The following FAM220A variants were observed in gnomAD, a reference collection of about 807,000 sequenced individuals.
FAM220A encodes protein FAM220A.
For synonymous variants in FAM220A, 141 were observed against 130.7 expected (o/e 1.08, Z -0.54); for missense variants, 392 against 321.6 (o/e 1.22, Z -1.68).
intron 1 of FAM220A, among the ~76,000 whole-genome samples, chr7:6,343,264 C>G (rs1781897549): frequency 2.0e-5 from 3 of 151,016 alleles, no homozygotes; most frequent in Admixed American, 6.6e-5. Context: ...GTAATCCCAG[C>G]TACTCAGGAG....
intron 1 of FAM220A, among the ~76,000 whole-genome samples, chr7:6,333,897 A>G (rs1186079297): frequency 8.3e-6 from 1 of 120,184 alleles, no homozygotes; most frequent in Non-Finnish European, 1.6e-5. Flanking sequence ...CCCAGGCTGG[A>G]GTGCAGTGGC....
At chr7:6,345,539 G>A (rs1033625007) in intron 1 of FAM220A, among the ~76,000 whole-genome samples, 5 of 152,080 alleles carry the variant, frequency 3.3e-5, no homozygotes, top group Middle Eastern at 6.3e-3. Flanking sequence ...TAGAGAAGCA[G>A]ATATATGAAA....
chr7:6,346,051 G>A (rs1027062682), intron 1 of FAM220A, among the ~76,000 whole-genome samples: 4 of 152,128 alleles, frequency 2.6e-5, no homozygotes, highest in Non-Finnish European at 5.9e-5. Flanking sequence ...TTACAGGCAT[G>A]AGACACCATG....
At chr7:6,332,060 C>G (rs888205053) in intron 1 of FAM220A, among the ~76,000 whole-genome samples, 6 of 149,512 alleles carry the variant, frequency 4.0e-5, no homozygotes, top group Non-Finnish European at 7.4e-5. Flanking sequence ...AGCTGTGAGC[C>G]GAGATCATGC....
intron 1 of FAM220A, among the ~76,000 whole-genome samples, chr7:6,336,873 T>C (rs1421838681): frequency 2.6e-5 from 4 of 151,784 alleles, no homozygotes; most frequent in Non-Finnish European, 5.9e-5. Context: ...AGGCTGGTCT[T>C]GAACTCCTGG....
Position 6,346,584 on chromosome 7 carries a change from T to G in FAM220A, c.-82+1989A>C, listed in dbSNP as rs368639805. ...TTAGTAGAGACAGGGTTTCACCCTG[T>G]AGCCCAGGGTGGTCTCAAACTCCTG... On this transcript the variant is annotated intron_variant, in intron 1 of 1. Coordinates refer to ENST00000313324, the MANE Select transcript of FAM220A (RefSeq NM_001037163.2). Among the ~76,000 whole-genome samples the G allele has an allele frequency of 4.5e-4, 69 of 152,268 alleles. 2 individuals are homozygous for G. The East Asian group carries it at 0.011, about 23-fold the overall frequency.
intron 1 of FAM220A, among the ~76,000 whole-genome samples, chr7:6,335,281 G>A (rs1036016752): frequency 6.6e-6 from 1 of 151,598 alleles, no homozygotes; most frequent in Non-Finnish European, 1.5e-5. Flanking sequence ...GGAGGGCAAT[G>A]GCACAATCTC....
In FAM220A at chr7:6,330,524, T is replaced by C. The variant is rs142085380; in HGVS notation, c.631A>G (p.Ile211Val). The change falls in exon 2 of 2, where the codon ATT becomes GTT. Residue 211 changes from isoleucine to valine, a missense_variant. Transcript: ENST00000313324. ...EVLLSEETKR[I>V]FLDRLKPMFS... ...ATGGGCTTTAAACGGTCAAGGAAAATGCGTTTTGTCTCCTCACTCAGGAGC... is the reference window on the plus strand; with the variant it reads ...ATGGGCTTTAAACGGTCAAGGAAAACGCGTTTTGTCTCCTCACTCAGGAGC... 6.2e-7 allele frequency: 1 copy of C among 1,614,120 alleles called. No homozygotes were observed. Among genetic ancestry groups the C allele is most frequent in the Non-Finnish European group, 8.5e-7 (1 of 1,180,022 alleles).
intron 1 of FAM220A, among the ~76,000 whole-genome samples, chr7:6,335,683 T>C (rs963373140): frequency 3.3e-5 from 5 of 152,284 alleles, no homozygotes; most frequent in Non-Finnish European, 5.9e-5. Flanking sequence ...TTGTGGGACA[T>C]GCTGAAAAGT....
chr7:6,343,374 T>G (rs1161919169), intron 1 of FAM220A, among the ~76,000 whole-genome samples: 1 of 138,616 alleles, frequency 7.2e-6, no homozygotes, highest in Non-Finnish European at 1.5e-5. Context: ...TGAAACTCCG[T>G]CTCAAAAAAA....
intron 1 of FAM220A, among the ~76,000 whole-genome samples, chr7:6,333,809 G>A (rs1408389343): frequency 1.5e-5 from 2 of 129,506 alleles, no homozygotes; most frequent in East Asian, 4.6e-4. Context: ...GTCTCCCCAT[G>A]TTGCCTAGAA....
In FAM220A at chr7:6,330,235, ATTTAC is replaced by A. The variant is rs964318674; in HGVS notation, c.*135_*139del. The A allele has an allele frequency of 3.6e-6, 3 of 838,252 alleles. No homozygotes were observed. In the African/African-American group the frequency reaches 5.2e-5, roughly 15 times the overall value. The allele number at this position is 838,252 out of a possible 1,614,324, so 51.9% of individuals were successfully genotyped here. ...TCAACTGGCTTTGAATTTAAACTCA[ATTTAC>A]TTTAAGTCTGCCAGGTCGTACAAAA... On this transcript the variant is annotated 3_prime_UTR_variant, in exon 2 of 2. Coordinates refer to ENST00000313324, the MANE Select transcript of FAM220A (RefSeq NM_001037163.2).
At chr7:6,333,906 G>T (rs992465669) in intron 1 of FAM220A, among the ~76,000 whole-genome samples, 2 of 146,806 alleles carry the variant, frequency 1.4e-5, no homozygotes, top group South Asian at 4.4e-4. Context: ...GAGTGCAGTG[G>T]CGCCATCTCA....
chr7:6,330,194 A>G lies in FAM220A; in HGVS notation c.*181T>C. 1 of 638,060 alleles carries G rather than the reference A, an allele frequency of 1.6e-6. No individual in the cohort carries two copies. Among genetic ancestry groups the G allele is most frequent in the Non-Finnish European group, 2.7e-6 (1 of 366,966 alleles). The allele number at this position is 638,060 out of a possible 1,614,324, so 39.5% of individuals were successfully genotyped here. On this transcript the variant is annotated 3_prime_UTR_variant, in exon 2 of 2. Coordinates refer to ENST00000313324, the MANE Select transcript of FAM220A (RefSeq NM_001037163.2). ...TAAAGCACAATTTAACACATGCCAAAAAAGTTCCTTCCGCATCAACTGGCT... is the reference window on the plus strand; with the variant it reads ...TAAAGCACAATTTAACACATGCCAAGAAAGTTCCTTCCGCATCAACTGGCT...
In FAM220A at chr7:6,330,868, G is replaced by A. The variant is rs1333068160; in HGVS notation, c.287C>T (p.Ser96Leu). The A allele has an allele frequency of 4.3e-6, 7 of 1,614,076 alleles. No individual in the cohort carries two copies. Among genetic ancestry groups the A allele is most frequent in the African/African-American group, 1.3e-5 (1 of 74,946 alleles). Reference sequence around the variant, plus strand: ...CACGGCTGTGCTCGGAGTGGCTGCTGAGGCTGGATTTCTTCTTACTGATTC... The same window carrying A: ...CACGGCTGTGCTCGGAGTGGCTGCTAAGGCTGGATTTCTTCTTACTGATTC... ...VRESVRRNPA[S>L]AATPSTAVGL... The change falls in exon 2 of 2, where the codon TCA (serine) becomes TTA (leucine). Residue 96 changes from serine (S) to leucine (L), a missense_variant. Physicochemically the swap from Ser to Leu is moderately radical, Grantham distance 145. Coordinates refer to ENST00000313324, the MANE Select transcript of FAM220A (RefSeq NM_001037163.2).
At chr7:6,344,366 C>T (rs1650021284) in intron 1 of FAM220A, among the ~76,000 whole-genome samples, 1 of 152,174 alleles carries the variant, frequency 6.6e-6, no homozygotes, top group African/African-American at 2.4e-5. Context: ...CTCCCCACCC[C>T]CATGATGTGA....
chr7:6,347,883 T>A (rs909376786), intron 1 of FAM220A, among the ~76,000 whole-genome samples: 3 of 131,538 alleles, frequency 2.3e-5, no homozygotes, highest in African/African-American at 8.5e-5. Context: ...ACGAGACCCC[T>A]TTATTATTAT....
At chr7:6,335,683 T>G (rs963373140) in intron 1 of FAM220A, among the ~76,000 whole-genome samples, 1 of 152,166 alleles carries the variant, frequency 6.6e-6, no homozygotes, top group Non-Finnish European at 1.5e-5. Flanking sequence ...TTGTGGGACA[T>G]GCTGAAAAGT....
At chr7:6,332,366 C>T (rs1051223967) in intron 1 of FAM220A, among the ~76,000 whole-genome samples, 4 of 152,114 alleles carry the variant, frequency 2.6e-5, no homozygotes, top group Non-Finnish European at 5.9e-5. Flanking sequence ...GTACTGATTA[C>T]TGCCCTATGG....
Sources: allele counts gnomAD v4.1 joint callset (sites outside exome capture counted in the v4.1 genomes callset), GRCh38; gene constraint gnomAD v4.1.1; transcripts MANE v1.5; gene names NCBI Gene and HGNC (gene_info 2026-07-23, HGNC 2026-07-21).